Variants in IL12RB2 observed in about 807,000 individuals in gnomAD.
IL12RB2 encodes interleukin-12 receptor subunit beta-2.
Under a neutral mutation model 89.4 loss-of-function variants are expected in IL12RB2, and 82 were observed. The ratio of observed to expected loss-of-function variants is 0.92; its 90% CI spans 0.77 to 1.10. IL12RB2 has a LOEUF of 1.10. Among genes scored for constraint, IL12RB2 ranks in the 50% least tolerant of loss-of-function variants. The probability of loss-of-function intolerance (pLI) is 0.00; values close to 1 mark genes in which losing one functional copy is unlikely to be tolerated. For missense variants in IL12RB2, 963 were observed against 1,031.9 expected (o/e 0.93, Z 0.92); for synonymous variants, 368 against 370.1 (o/e 0.99, Z 0.07).
chr1:67,396,090 G>A lies in IL12RB2; in HGVS notation c.*1G>A, dbSNP rs147419406. 8 of 1,570,894 alleles carry A rather than the reference G, an allele frequency of 5.1e-6. No individual in the cohort carries two copies. Among genetic ancestry groups the A allele is most frequent in the East Asian group, 2.2e-5 (1 of 44,684 alleles). On this transcript the variant is annotated 3_prime_UTR_variant, in exon 17 of 17. Coordinates refer to ENST00000674203, the MANE Select transcript of IL12RB2 (RefSeq NM_001374259.2). ...GAGGTGTGACTCCCTCATGCTCTGA[G>A]TGGTGAGGCTTCAAGCCTTAAAGTC...
chr1:67,334,834 G>C (rs146534326), intron 8 of IL12RB2, among the ~76,000 whole-genome samples: 111 of 152,304 alleles, frequency 7.3e-4, no homozygotes, highest in African/African-American at 2.5e-3. Context: ...CTTACAGGAT[G>C]TATTAAAACA....
Position 67,396,154 on chromosome 1 carries a change from C to T in IL12RB2, c.*65C>T. 2.1e-6 allele frequency: 2 copies of T among 959,086 alleles called. No homozygotes were observed. Among genetic ancestry groups the T allele is most frequent in the Middle Eastern group, 2.7e-4 (1 of 3,700 alleles). The allele number at this position is 959,086 out of a possible 1,614,324, so 59.4% of individuals were successfully genotyped here. A position where few individuals can be genotyped will look rare whatever the true frequency, so the allele number is the denominator to read the frequency against. Reference sequence around the variant, plus strand: ...CCAGCACAGCCTGCCCCAATTCCCCCAGCCCCTGCTCCAGCAGCTGTCATC... The same window carrying T: ...CCAGCACAGCCTGCCCCAATTCCCCTAGCCCCTGCTCCAGCAGCTGTCATC... On this transcript the variant is annotated 3_prime_UTR_variant, in exon 17 of 17. Coordinates refer to ENST00000674203, the MANE Select transcript of IL12RB2 (RefSeq NM_001374259.2).
chr1:67,323,015 AG>A (rs1304250983), intron 4 of IL12RB2, among the ~76,000 whole-genome samples: 1 of 152,226 alleles, frequency 6.6e-6, no homozygotes, highest in African/African-American at 2.4e-5. Flanking sequence ...GAGACTAGGA[AG>A]AATTGCTCTA....
chr1:67,388,087 G>C (rs1665417558), intron 15 of IL12RB2, among the ~76,000 whole-genome samples: 1 of 151,956 alleles, frequency 6.6e-6, no homozygotes, highest in South Asian at 2.1e-4. Context: ...TGAGGCATGA[G>C]AATCACCTGA....
chr1:67,350,037 C>T (rs536989938), intron 9 of IL12RB2, among the ~76,000 whole-genome samples: 65 of 152,242 alleles, frequency 4.3e-4, no homozygotes, highest in African/African-American at 1.3e-3. Flanking sequence ...CAAACACAGC[C>T]GGAGGCCCCC....
intron 16 of IL12RB2, among the ~76,000 whole-genome samples, chr1:67,393,959 A>G (rs1027388638): frequency 1.3e-5 from 2 of 152,186 alleles, no homozygotes; most frequent in Non-Finnish European, 2.9e-5. Flanking sequence ...ACAAAGTATC[A>G]CATGCCAAGA....
intron 9 of IL12RB2, among the ~76,000 whole-genome samples, chr1:67,344,379 G>C (rs1164710840): frequency 2.6e-5 from 4 of 152,080 alleles, no homozygotes; most frequent in Non-Finnish European, 5.9e-5. Context: ...TGCAACCTCC[G>C]CCTCCTAAGT....
chr1:67,383,939 GCTTT>G, intron 14 of IL12RB2, among the ~76,000 whole-genome samples: 1 of 152,234 alleles, frequency 6.6e-6, no homozygotes, highest in Admixed American at 6.5e-5. Flanking sequence ...CACCTCTGTG[GCTTT>G]GCAGGGTACA....
rs192837263 is a variant in IL12RB2, at chr1:67,397,932, G to C, written c.*1843G>C. Among the ~76,000 whole-genome samples the C allele has an allele frequency of 1.3e-5, 2 of 152,196 alleles. No homozygotes were observed. Among genetic ancestry groups the C allele is most frequent in the Admixed American group, 6.5e-5 (1 of 15,278 alleles). ...CAGTCCTGTAGAAATAACTGTTCTC[G>C]GGCTTTAGGTTTTCCAGATTTCCCT... is the stretch of plus-strand genomic sequence containing the variant. On this transcript the variant is annotated 3_prime_UTR_variant, in exon 17 of 17. Transcript: ENST00000674203.
At chr1:67,313,146 A>T (rs539430771) in intron 1 of IL12RB2, among the ~76,000 whole-genome samples, 8 of 152,346 alleles carry the variant, frequency 5.3e-5, no homozygotes, top group African/African-American at 1.9e-4. Context: ...AGGAAATTTC[A>T]TGAAGAAGAG....
At chr1:67,367,686 GT>G in intron 10 of IL12RB2, 138 bp from the exon 11 acceptor site, 2 of 693,840 alleles carry the variant, frequency 2.9e-6, no homozygotes, top group South Asian at 3.2e-5. Flanking sequence ...ACTTAAATCT[GT>G]GACTCCAAAG....
At chr1:67,392,551 C>A (rs951277183) in intron 16 of IL12RB2, among the ~76,000 whole-genome samples, 1 of 151,472 alleles carries the variant, frequency 6.6e-6, no homozygotes, top group South Asian at 2.1e-4. Flanking sequence ...TGGTGGTTGC[C>A]TCCAGGGAGA....
At chr1:67,355,462 C>G (rs980180770) in intron 10 of IL12RB2, among the ~76,000 whole-genome samples, 2 of 148,732 alleles carry the variant, frequency 1.3e-5, no homozygotes, top group Non-Finnish European at 3.0e-5. Flanking sequence ...GCTAAACCTA[C>G]CAGTCAACTA....
At chr1:67,335,251 G>A (rs912498216) in intron 8 of IL12RB2, among the ~76,000 whole-genome samples, 2 of 152,182 alleles carry the variant, frequency 1.3e-5, no homozygotes, top group Non-Finnish European at 2.9e-5. Flanking sequence ...AGGGAAGGTG[G>A]GGATAATGAC....
intron 9 of IL12RB2, among the ~76,000 whole-genome samples, chr1:67,341,684 T>G (rs1031496196): frequency 4.6e-5 from 7 of 152,172 alleles, no homozygotes; most frequent in African/African-American, 1.7e-4. Flanking sequence ...CCTCAAAACC[T>G]TCAGTGACTC....
intron 14 of IL12RB2, among the ~76,000 whole-genome samples, chr1:67,383,924 A>G (rs1323820023): frequency 9.9e-5 from 15 of 152,252 alleles, no homozygotes; most frequent in Admixed American, 9.8e-4. Flanking sequence ...AGCCTTGGGC[A>G]GCTCCACCTC....
rs1321440230 is a variant in IL12RB2 at position 67,330,816 on chromosome 1, T to C, written c.958+6T>C. 9 of 1,488,898 alleles carry C rather than the reference T, an allele frequency of 6.0e-6. No homozygotes were observed. Among genetic ancestry groups the C allele is most frequent in the Non-Finnish European group, 7.5e-6 (8 of 1,065,980 alleles). 92.2% of individuals were successfully genotyped at this position (1,488,898 alleles called of 1,614,324 possible). On this transcript the variant is annotated splice_donor_region_variant and intron_variant, in intron 8 of 16. Coordinates refer to ENST00000674203, the MANE Select transcript of IL12RB2 (RefSeq NM_001374259.2). ...AGCACAAACACCAGAAGAAGGTATA[T>C]GTCCAAAATATACATACCTATCGGG...
In IL12RB2 at chr1:67,321,659, C is replaced by A; in HGVS notation, c.134C>A (p.Ser45Tyr). 1 of 1,600,600 alleles carries A rather than the reference C, an allele frequency of 6.2e-7. No individual in the cohort carries two copies. The highest frequency in any genetic ancestry group is 1.3e-5 in the African/African-American group (1 of 74,756). Residue 45 changes from serine to tyrosine, a missense_variant, in exon 4 of 17, where the codon TCC (serine) becomes TAC (tyrosine). Physicochemically the swap from Ser to Tyr is moderately radical, Grantham distance 144 (BLOSUM62 -2). Coordinates refer to ENST00000674203, the MANE Select transcript of IL12RB2 (RefSeq NM_001374259.2). ...VKPSHVILLG[S>Y]TVNITCSLKP... ...CCTTCCCATGTAATTTTACTTGGATCCACTGTCAATATTACATGCTCTTTG... is the reference window on the plus strand; with the variant it reads ...CCTTCCCATGTAATTTTACTTGGATACACTGTCAATATTACATGCTCTTTG...
intron 14 of IL12RB2, among the ~76,000 whole-genome samples, chr1:67,381,351 C>G (rs1664549970): frequency 6.6e-6 from 1 of 152,200 alleles, no homozygotes; most frequent in Non-Finnish European, 1.5e-5. Context: ...ACAAGCTGTT[C>G]TTGCTTTGTG....
Sources: gnomAD v4.1 joint callset for allele counts (sites outside exome capture counted in the v4.1 genomes callset) on GRCh38, gnomAD v4.1.1 for gene constraint, MANE v1.5 for transcripts, NCBI Gene and HGNC (gene_info 2026-07-23, HGNC 2026-07-21) for gene names.